GPC5: variants seen among roughly 807,000 people sequenced by gnomAD.
The protein encoded by GPC5 is glypican 5, also known as glypican-5.
GPC5 carries 47 observed loss-of-function variants against 53.9 expected under a neutral mutation model. The ratio of observed to expected loss-of-function variants is 0.87; its 90% CI spans 0.69 to 1.11. The LOEUF (loss-of-function observed/expected upper bound fraction) is 1.11, where lower values mean the gene tolerates loss of function less well. GPC5 is among the 50% of genes most tolerant of loss of function. The pLI is 0.00. For synonymous variants in GPC5, 286 were observed against 263.3 expected (o/e 1.09, Z -0.84); for missense variants, 748 against 713.1 (o/e 1.05, Z -0.56).
chr13:92,523,490 G>T (rs903437680), intron 7 of GPC5, among the ~76,000 whole-genome samples: 3 of 151,970 alleles, frequency 2.0e-5, no homozygotes, highest in African/African-American at 7.2e-5. Flanking sequence ...AAATATTTGA[G>T]AATTTGATTT....
intron 7 of GPC5, among the ~76,000 whole-genome samples, chr13:92,460,104 T>G (rs1242999153): frequency 1.3e-5 from 2 of 152,158 alleles, no homozygotes; most frequent in Admixed American, 1.3e-4. Context: ...AATCTTAATC[T>G]GGATTTTCAC....
At chr13:92,603,460 T>G (rs745936479) in intron 7 of GPC5, among the ~76,000 whole-genome samples, 1 of 152,146 alleles carries the variant, frequency 6.6e-6, no homozygotes, top group Non-Finnish European at 1.5e-5. Context: ...AAACCTAGAT[T>G]GTATGATTTA....
chr13:92,066,440 A>G (rs933147112), intron 6 of GPC5, among the ~76,000 whole-genome samples: 1 of 151,438 alleles, frequency 6.6e-6, no homozygotes, highest in East Asian at 1.9e-4. Context: ...CCTGAAAAAA[A>G]AAAAAAGAAA....
rs956113931 is a variant in GPC5 at position 92,229,568 on chromosome 13, T to C, written c.1561+84579T>C. Reference sequence around the variant, plus strand: ...TGTTCCAGAAATTTTTGCATTATGATGAAATCAATGTGGACTATTCTAAAT... The same window carrying C: ...TGTTCCAGAAATTTTTGCATTATGACGAAATCAATGTGGACTATTCTAAAT... On this transcript the variant is annotated intron_variant, in intron 7 of 7. Coordinates refer to ENST00000377067, the MANE Select transcript of GPC5 (RefSeq NM_004466.6). Among the ~76,000 whole-genome samples the C allele has an allele frequency of 2.0e-5, 3 of 152,132 alleles. No individual in the cohort carries two copies. The South Asian group carries it at 6.2e-4, about 31-fold the overall frequency.
At chr13:91,555,772 C>G (rs576876685) in intron 2 of GPC5, among the ~76,000 whole-genome samples, 28 of 152,160 alleles carry the variant, frequency 1.8e-4, no homozygotes, top group African/African-American at 6.5e-4. Context: ...TCACATCTTA[C>G]CTTGCAGCAG....
At chr13:91,856,319 C>T (rs2038966651) in intron 5 of GPC5, among the ~76,000 whole-genome samples, 1 of 151,504 alleles carries the variant, frequency 6.6e-6, no homozygotes, top group Admixed American at 6.6e-5. Flanking sequence ...GGGCATTCAA[C>T]TGATCTTGTG....
chr13:91,967,489 T>C (rs1316277754), intron 6 of GPC5, among the ~76,000 whole-genome samples: 1 of 152,090 alleles, frequency 6.6e-6, no homozygotes, highest in Non-Finnish European at 1.5e-5. Context: ...TTAAAACATA[T>C]TAAATTAAAA....
At chr13:91,531,739 A>G (rs774876061) in intron 2 of GPC5, among the ~76,000 whole-genome samples, 1 of 152,244 alleles carries the variant, frequency 6.6e-6, no homozygotes, top group Non-Finnish European at 1.5e-5. Context: ...TGTACTCTAA[A>G]TAGGAACTGG....
At chr13:91,532,012 T>C (rs899375264) in intron 2 of GPC5, among the ~76,000 whole-genome samples, 3 of 152,130 alleles carry the variant, frequency 2.0e-5, no homozygotes, top group African/African-American at 7.2e-5. Flanking sequence ...TTTTCAAATC[T>C]AGTCAAGCAG....
Position 92,210,966 on chromosome 13 carries a change from T to A in GPC5, c.1561+65977T>A, listed in dbSNP as rs117471125. Among the ~76,000 whole-genome samples the A allele has an allele frequency of 9.6e-3, 1,468 of 152,288 alleles. 10 individuals are homozygous for A. The highest frequency in any genetic ancestry group is 0.016 in the Non-Finnish European group (1,081 of 68,028). ...TGAAGGCTTTTGTTTTTTAAATGCA[T>A]CCTGAGGCACTGGTTCTACCACCCC... On this transcript the variant is annotated intron_variant, in intron 7 of 7. Coordinates refer to ENST00000377067, the MANE Select transcript of GPC5 (RefSeq NM_004466.6).
At chr13:91,819,703 A>C (rs2038460227) in intron 5 of GPC5, among the ~76,000 whole-genome samples, 1 of 152,206 alleles carries the variant, frequency 6.6e-6, no homozygotes, top group African/African-American at 2.4e-5. Flanking sequence ...GAATAACATT[A>C]CTTAGAGCTG....
chr13:92,266,156 C>T (rs190946290), intron 7 of GPC5, among the ~76,000 whole-genome samples: 7 of 152,226 alleles, frequency 4.6e-5, no homozygotes, highest in East Asian at 3.9e-4. Context: ...TTTTAGGGGA[C>T]GCATTTAAAG....
At chr13:91,812,299 G>A (rs1330373000) in intron 5 of GPC5, among the ~76,000 whole-genome samples, 1 of 152,096 alleles carries the variant, frequency 6.6e-6, no homozygotes, top group Non-Finnish European at 1.5e-5. Flanking sequence ...CTATATTTAT[G>A]TGCCTGTTTT....
At chr13:92,539,151 T>G (rs1456257834) in intron 7 of GPC5, among the ~76,000 whole-genome samples, 1 of 151,136 alleles carries the variant, frequency 6.6e-6, no homozygotes, top group African/African-American at 2.4e-5. Flanking sequence ...TTTGGGTATA[T>G]AGTAGAATGA....
chr13:92,298,874 T>C (rs1028853029), intron 7 of GPC5, among the ~76,000 whole-genome samples: 1 of 152,216 alleles, frequency 6.6e-6, no homozygotes, highest in Non-Finnish European at 1.5e-5. Flanking sequence ...GAGATCATTA[T>C]TTTTATTTAC....
chr13:92,503,135 A>T (rs1383405696), intron 7 of GPC5, among the ~76,000 whole-genome samples: 1 of 151,932 alleles, frequency 6.6e-6, no homozygotes, highest in African/African-American at 2.4e-5. Context: ...CATTACATGG[A>T]TATATGGTAT....
At position 92,363,877 on chromosome 13, in the gene GPC5, G is replaced by C. The variant is rs143648696; in HGVS notation, c.1561+218888G>C. Among the ~76,000 whole-genome samples the C allele has an allele frequency of 5.9e-5, 9 of 151,502 alleles. 1 individual carries two copies. The highest frequency in any genetic ancestry group is 2.0e-4 in the African/African-American group (8 of 40,790). ...ATATTCAAGAGATAGATGATAGTTG[G>C]ATATAAACAGATGTAGAGCTGAAAA... On this transcript the variant is annotated intron_variant, in intron 7 of 7. Transcript: ENST00000377067.
chr13:92,144,467 A>G (rs557581360), intron 6 of GPC5, among the ~76,000 whole-genome samples: 45 of 152,318 alleles, frequency 3.0e-4, no homozygotes, highest in African/African-American at 1.0e-3. Flanking sequence ...TTATCAGCCA[A>G]TATACTACAG....
intron 7 of GPC5, among the ~76,000 whole-genome samples, chr13:92,312,001 A>C (rs1249862905): frequency 6.6e-6 from 1 of 152,138 alleles, no homozygotes; most frequent in Non-Finnish European, 1.5e-5. Context: ...AGCTGAGAGA[A>C]CAAGGAGAGA....
Sources: allele counts gnomAD v4.1 joint callset (sites outside exome capture counted in the v4.1 genomes callset), GRCh38; gene constraint gnomAD v4.1.1; transcripts MANE v1.5; gene names NCBI Gene and HGNC (gene_info 2026-07-23, HGNC 2026-07-21).